FLVCR2: variants seen among roughly 807,000 people sequenced by gnomAD.
FLVCR2 encodes the protein choline/ethanolamine transporter FLVCR2.
A neutral mutation model predicts 48.9 loss-of-function variants in FLVCR2; 38 were observed. That is an observed-to-expected ratio of 0.78 (90% CI 0.60 to 1.02). The LOEUF is 1.02. FLVCR2 is among the 50% of genes least tolerant of loss of function. The pLI, the probability that FLVCR2 is intolerant of heterozygous loss-of-function variation, is 0.00. For synonymous variants in FLVCR2, 255 were observed against 257.0 expected, an observed-to-expected ratio of 0.99 and a Z score of 0.07; for missense variants, 664 against 663.3, an observed-to-expected ratio of 1.00 and a Z score of -0.01.
At chr14:75,617,678 T>C (rs1413199969) in intron 1 of FLVCR2, among the ~76,000 whole-genome samples, 1 of 152,222 alleles carries the variant, frequency 6.6e-6, no homozygotes, top group African/African-American at 2.4e-5. Context: ...CTTGAGATAC[T>C]CTGCATAAAG....
chr14:75,616,746 G>A (rs1566790801), intron 1 of FLVCR2, among the ~76,000 whole-genome samples: 1 of 152,212 alleles, frequency 6.6e-6, no homozygotes, highest in Non-Finnish European at 1.5e-5. Context: ...TTCAGTAGGT[G>A]AGAACCTGTT....
intron 9 of FLVCR2, among the ~76,000 whole-genome samples, chr14:75,642,329 T>C (rs1890323986): frequency 1.3e-5 from 2 of 152,214 alleles, no homozygotes; most frequent in African/African-American, 4.8e-5. Flanking sequence ...GCTGTGACTC[T>C]CCTGGCATGT....
intron 1 of FLVCR2, chr14:75,605,622 G>T: frequency 6.5e-7 from 1 of 1,536,086 alleles, no homozygotes; most frequent in Non-Finnish European, 8.7e-7. Context: ...CGTGAGACAG[G>T]AGGTGAGGAT....
intron 1 of FLVCR2, among the ~76,000 whole-genome samples, chr14:75,611,341 G>C (rs1343710012): frequency 6.6e-6 from 1 of 152,160 alleles, no homozygotes; most frequent in African/African-American, 2.4e-5. Context: ...CTTGTCCGTT[G>C]AGGGCTTTGG....
intron 1 of FLVCR2, among the ~76,000 whole-genome samples, chr14:75,602,284 C>A (rs891386514): frequency 1.3e-5 from 2 of 152,316 alleles, no homozygotes; most frequent in East Asian, 1.9e-4. Flanking sequence ...TTTCCAAGTT[C>A]GAATCCATGA....
chr14:75,593,665 G>A (rs1160098342), intron 1 of FLVCR2, among the ~76,000 whole-genome samples: 1 of 152,162 alleles, frequency 6.6e-6, no homozygotes, highest in East Asian at 1.9e-4. Flanking sequence ...TTCAACATAA[G>A]TTTAAGAGGG....
intron 1 of FLVCR2, among the ~76,000 whole-genome samples, chr14:75,593,126 C>G (rs1888926596): frequency 6.6e-6 from 1 of 152,168 alleles, no homozygotes; most frequent in African/African-American, 2.4e-5. Context: ...ACTCTTAATG[C>G]CCTGTTCACA....
intron 1 of FLVCR2, among the ~76,000 whole-genome samples, chr14:75,592,243 A>G (rs75077995): frequency 1.3e-5 from 2 of 152,000 alleles, no homozygotes; most frequent in East Asian, 3.9e-4. Flanking sequence ...GGATGCCACC[A>G]AGACCCACAG....
In FLVCR2 at chr14:75,645,321, G is replaced by C. The variant is rs982770557; in HGVS notation, c.1510-1080G>C. ...GTGCATGTCCTCTAGGCCTTGAGTA[G>C]TGTTGGCTGTGTGGTGCTGCACCTG... On this transcript the variant is annotated intron_variant, in intron 9 of 9. Transcript: ENST00000238667. 2.0e-4 allele frequency among the ~76,000 whole-genome samples: 31 copies of C among 152,198 alleles called. 1 individual carries two copies. Among genetic ancestry groups the C allele is most frequent in the African/African-American group, 7.5e-4 (31 of 41,434 alleles).
intron 5 of FLVCR2, among the ~76,000 whole-genome samples, chr14:75,635,681 A>C (rs138768976): frequency 6.6e-6 from 1 of 152,062 alleles, no homozygotes; most frequent in Non-Finnish European, 1.5e-5. Context: ...CCTGGGCAAC[A>C]TGGTGAAACC....
At chr14:75,598,943 C>A (rs1013579945) in intron 1 of FLVCR2, among the ~76,000 whole-genome samples, 4 of 152,232 alleles carry the variant, frequency 2.6e-5, no homozygotes, top group Non-Finnish European at 5.9e-5. Context: ...ACCACTGAGG[C>A]TCCATACTAT....
chr14:75,600,016 T>C (rs1176581772), intron 1 of FLVCR2, among the ~76,000 whole-genome samples: 1 of 152,168 alleles, frequency 6.6e-6, no homozygotes, highest in African/African-American at 2.4e-5. Flanking sequence ...CCCAGGAGGT[T>C]AGGCATTCTA....
intron 3 of FLVCR2, among the ~76,000 whole-genome samples, chr14:75,625,323 T>A (rs1889872221): frequency 6.6e-6 from 1 of 151,942 alleles, no homozygotes; most frequent in Non-Finnish European, 1.5e-5. Flanking sequence ...CACAACAACA[T>A]CCCTCTTTCA....
chr14:75,596,171 G>T (rs954971798), intron 1 of FLVCR2: 3 of 756,722 alleles, frequency 4.0e-6, no homozygotes, highest in South Asian at 1.4e-5. Context: ...GGTTGATCAT[G>T]AACTTTCTAG....
At chr14:75,596,339 CG>C in intron 1 of FLVCR2, 1 of 359,572 alleles carries the variant, frequency 2.8e-6, no homozygotes. Context: ...TAAAGGTAGA[CG>C]GGGTAGGTCT....
intron 1 of FLVCR2, among the ~76,000 whole-genome samples, chr14:75,606,361 CTGTT>C (rs1390554238): frequency 2.0e-5 from 3 of 152,286 alleles, no homozygotes; most frequent in South Asian, 2.1e-4. Flanking sequence ...ATTCTCAAGG[CTGTT>C]TGTTTGGGCT....
At chr14:75,588,985 T>C (rs1359553112) in intron 1 of FLVCR2, among the ~76,000 whole-genome samples, 1 of 152,150 alleles carries the variant, frequency 6.6e-6, no homozygotes, top group Non-Finnish European at 1.5e-5. Flanking sequence ...GCACCGTTCA[T>C]GATGAGGCAA....
chr14:75,592,407 G>A (rs1348557085), intron 1 of FLVCR2, among the ~76,000 whole-genome samples: 3 of 152,120 alleles, frequency 2.0e-5, no homozygotes, highest in Non-Finnish European at 4.4e-5. Flanking sequence ...TGTGACAGGA[G>A]GAATGGCCTT....
At chr14:75,599,041 A>G (rs976559453) in intron 1 of FLVCR2, among the ~76,000 whole-genome samples, 4 of 152,280 alleles carry the variant, frequency 2.6e-5, no homozygotes, top group Admixed American at 1.3e-4. Context: ...CCAGGCCCTC[A>G]TTTTCCTACA....
Sources: allele counts gnomAD v4.1 joint callset (sites outside exome capture counted in the v4.1 genomes callset), GRCh38; gene constraint gnomAD v4.1.1; transcripts MANE v1.5; gene names NCBI Gene and HGNC (gene_info 2026-07-23, HGNC 2026-07-21).